Variants in CFI observed in about 807,000 individuals in gnomAD.
The protein encoded by CFI is C3B/C4B inactivator.
In CFI, 66 loss-of-function variants were observed where a neutral mutation model predicts 78.8. The observed-to-expected ratio is 0.84, with a 90% CI of 0.69 to 1.03. The LOEUF is 1.03. CFI is among the 50% of genes least tolerant of loss of function. The pLI is 0.00. For synonymous variants in CFI, 250 were observed against 232.6 expected, an observed-to-expected ratio of 1.07 and a Z score of -0.68; for missense variants, 706 against 704.5, an observed-to-expected ratio of 1.00 and a Z score of -0.02.
chr4:109,774,610 T>G (rs2125832047), intron 1 of CFI, among the ~76,000 whole-genome samples: 1 of 152,284 alleles, frequency 6.6e-6, no homozygotes, highest in Middle Eastern at 3.4e-3. Flanking sequence ...TGTTGGCTAC[T>G]GTAAAGACTG....
downstream of CFI, among the ~76,000 whole-genome samples, chr4:109,738,386 A>G (rs1215205278): frequency 6.6e-6 from 1 of 152,172 alleles, no homozygotes; most frequent in Non-Finnish European, 1.5e-5. Context: ...TGCTGAGATT[A>G]CAGGTATGAT....
rs763953082 is a variant in CFI, at chr4:109,760,638, T to C, written c.659-2A>G. The C allele has an allele frequency of 1.3e-6, 2 of 1,502,124 alleles. No individual in the cohort carries two copies. Among genetic ancestry groups the C allele is most frequent in the South Asian group, 2.3e-5 (2 of 88,742 alleles). 93.0% of individuals were successfully genotyped at this position (1,502,124 alleles called of 1,614,324 possible). On this transcript the variant is annotated splice_acceptor_variant, in intron 4 of 12. Coordinates refer to ENST00000394634, the MANE Select transcript of CFI (RefSeq NM_000204.5). LOFTEE classifies it high-confidence loss of function. ...GAAAGAAGTCATCCATTGGAGAATC[T>C]GTAAAGCAGGAATTATCTTTGTGAA...
intron 6 of CFI, chr4:109,758,006 A>G (rs1304581257): frequency 6.0e-6 from 8 of 1,339,582 alleles, no homozygotes; most frequent in Non-Finnish European, 7.9e-6. Flanking sequence ...GATCATTTTG[A>G]TTTGAATAAA....
chr4:109,797,854 T>A (rs1732257274), intron 1 of CFI, among the ~76,000 whole-genome samples: 1 of 152,116 alleles, frequency 6.6e-6, no homozygotes, highest in African/African-American at 2.4e-5. Context: ...TAAATCAAAA[T>A]CACACACCAG....
chr4:109,766,529 G>T, intron 2 of CFI, 25 bp downstream of exon 2: 1 of 1,612,452 alleles, frequency 6.2e-7, no homozygotes, highest in South Asian at 1.1e-5. Flanking sequence ...ATCATAGAAT[G>T]ACTTGAAAAC....
intron 3 of CFI, 107 bp downstream of exon 3, chr4:109,764,430 T>A: frequency 8.0e-7 from 1 of 1,256,958 alleles, no homozygotes. Flanking sequence ...TAGTTAATTT[T>A]CTTAGGTTAC....
chr4:109,783,739 G>A (rs1475817512), intron 1 of CFI, among the ~76,000 whole-genome samples: 4 of 149,856 alleles, frequency 2.7e-5, no homozygotes, highest in African/African-American at 4.9e-5. Context: ...GTTTATGGCC[G>A]CACAATTTAC....
chr4:109,757,993 A>G (rs1371213691), intron 6 of CFI: 20 of 1,422,692 alleles, frequency 1.4e-5, no homozygotes, highest in Non-Finnish European at 1.6e-5. Context: ...ACTATAGCAA[A>G]GAGATCATTT....
At chr4:109,763,154 T>C (rs13152659) in intron 3 of CFI, among the ~76,000 whole-genome samples, 148,159 of 152,214 alleles carry the variant, frequency 0.97, 72,229 homozygotes, top group East Asian at 1. Flanking sequence ...ATTGCCTTAA[T>C]AGTAGTGATA....
At chr4:109,794,662 G>A (rs1201932608) in intron 1 of CFI, among the ~76,000 whole-genome samples, 1 of 151,916 alleles carries the variant, frequency 6.6e-6, no homozygotes, top group Admixed American at 6.6e-5. Flanking sequence ...GTGTGGTGGT[G>A]GGCACCTGTA....
chr4:109,787,287 C>T (rs1403706607), intron 1 of CFI, among the ~76,000 whole-genome samples: 6 of 152,024 alleles, frequency 3.9e-5, no homozygotes, highest in Non-Finnish European at 8.8e-5. Flanking sequence ...AACTTGGATC[C>T]CAAGAGTTAA....
rs191897899 is a variant in CFI at position 109,777,853 on chromosome 4, G to A, written c.58-11029C>T. On this transcript the variant is annotated intron_variant, in intron 1 of 12. Coordinates refer to ENST00000394634, the MANE Select transcript of CFI (RefSeq NM_000204.5). ...TCACTCAAAACCACTCAACTACACG[G>A]AAACTGAACAACCTGCTCCCGAATG... is the stretch of plus-strand genomic sequence containing the variant. Among the ~76,000 whole-genome samples, 1,373 of 152,148 alleles carry A rather than the reference G, an allele frequency of 9.0e-3. 15 individuals are homozygous for A. Among genetic ancestry groups the A allele is most frequent in the African/African-American group, 0.031 (1,303 of 41,488 alleles).
At chr4:109,772,877 C>A (rs1327498224) in intron 1 of CFI, among the ~76,000 whole-genome samples, 2 of 152,162 alleles carry the variant, frequency 1.3e-5, no homozygotes, top group Admixed American at 1.3e-4. Flanking sequence ...TGCCACCCTG[C>A]CTAACCTGAG....
intron 10 of CFI, among the ~76,000 whole-genome samples, chr4:109,747,749 G>A (rs192855199): frequency 2.0e-5 from 3 of 152,266 alleles, no homozygotes; most frequent in Non-Finnish European, 4.4e-5. Context: ...ACCAGGGACA[G>A]GTTTTGTGGA....
At chr4:109,754,863 G>C (rs926358559) in intron 7 of CFI, among the ~76,000 whole-genome samples, 3 of 152,096 alleles carry the variant, frequency 2.0e-5, no homozygotes, top group African/African-American at 7.2e-5. Flanking sequence ...TAGAAGAACA[G>C]CACTAACTTG....
intron 10 of CFI, among the ~76,000 whole-genome samples, chr4:109,747,503 C>T (rs1724624350): frequency 6.6e-6 from 1 of 152,116 alleles, no homozygotes. Context: ...AGGCATCTAC[C>T]ATCATCTTCT....
At chr4:109,735,952 C>T (rs187918422), downstream of CFI, among the ~76,000 whole-genome samples, 36 of 152,304 alleles carry the variant, frequency 2.4e-4, no homozygotes, top group Non-Finnish European at 2.9e-4. Context: ...TACACATGAC[C>T]GTTGCTGTGC....
At chr4:109,777,504 GAGACTT>G (rs1729412572) in intron 1 of CFI, among the ~76,000 whole-genome samples, 1 of 151,876 alleles carries the variant, frequency 6.6e-6, no homozygotes, top group Non-Finnish European at 1.5e-5. Flanking sequence ...GACCTACAAA[GAGACTT>G]AGACTCCCAC....
chr4:109,739,803 G>A (rs1326812072), downstream of CFI, among the ~76,000 whole-genome samples: 1 of 152,118 alleles, frequency 6.6e-6, no homozygotes, highest in Non-Finnish European at 1.5e-5. Context: ...GGAAGAGGCT[G>A]AGAACAGCAG....
Sources: allele counts gnomAD v4.1 joint callset (sites outside exome capture counted in the v4.1 genomes callset), GRCh38; gene constraint gnomAD v4.1.1; transcripts MANE v1.5; gene names NCBI Gene and HGNC (gene_info 2026-07-23, HGNC 2026-07-21).